DNMT3B: variants seen among roughly 807,000 people sequenced by gnomAD.
DNMT3B encodes the protein DNA (cytosine-5)-methyltransferase 3B.
In DNMT3B, 37 loss-of-function variants were observed where a neutral mutation model predicts 120.2. That is an observed-to-expected ratio of 0.31 (90% CI 0.24 to 0.40). The LOEUF (loss-of-function observed/expected upper bound fraction) is 0.40, where lower values mean the gene tolerates loss of function less well. DNMT3B is among the 10% of genes least tolerant of loss of function. The probability of loss-of-function intolerance (pLI) is 1.00; values close to 1 mark genes in which losing one functional copy is unlikely to be tolerated. For synonymous variants in DNMT3B, 412 were observed against 442.8 expected (o/e 0.93, Z 0.87); for missense variants, 878 against 1,137.3 (o/e 0.77, Z 3.28).
intron 7 of DNMT3B, 152 bp downstream of exon 7, chr20:32,789,164 C>A: frequency 1.7e-6 from 2 of 1,202,644 alleles, no homozygotes; most frequent in Admixed American, 5.1e-5. Context: ...CCTGTGTTAA[C>A]CAGCTACAGC....
rs780068965 is a variant in DNMT3B at position 32,792,679 on chromosome 20, G to A, written c.975G>A (p.Leu325=). ...KTFPSSPGDS[L]EDQLKPMLEW... The stretch of plus-strand genomic sequence containing the variant: ...TCCCCAGCAGCCCTGGAGACTCATT[G>A]GAGGACCAGCTGAAGCCCATGTTGG... The change falls in exon 9 of 23, where the codon TTG becomes TTA. Residue 325 remains leucine (L), a synonymous_variant. Coordinates refer to ENST00000328111, the MANE Select transcript of DNMT3B (RefSeq NM_006892.4). 6.2e-7 allele frequency: 1 copy of A among 1,614,236 alleles called. No individual in the cohort carries two copies. Among genetic ancestry groups the A allele is most frequent in the South Asian group, 1.1e-5 (1 of 91,084 alleles).
chr20:32,766,437 T>G (rs1987373482), intron 1 of DNMT3B, among the ~76,000 whole-genome samples: 2 of 152,082 alleles, frequency 1.3e-5, no homozygotes, highest in African/African-American at 4.8e-5. Flanking sequence ...CTTGAAAGCC[T>G]GGGTCCAACG....
intron 15 of DNMT3B, among the ~76,000 whole-genome samples, 169 bp downstream of exon 15, chr20:32,798,812 C>T (rs539397305): frequency 1.4e-3 from 215 of 152,358 alleles, no homozygotes; most frequent in African/African-American, 5.0e-3. Flanking sequence ...CGGTTTTCAG[C>T]CGTGCCAGGG....
chr20:32,782,049 T>A (rs934793641), intron 3 of DNMT3B, among the ~76,000 whole-genome samples: 9 of 152,234 alleles, frequency 5.9e-5, no homozygotes, highest in Admixed American at 3.3e-4. Context: ...AGAAATCATA[T>A]GCTGAAGTTG....
At chr20:32,770,705 C>T (rs559222914) in intron 1 of DNMT3B, among the ~76,000 whole-genome samples, 22 of 151,936 alleles carry the variant, frequency 1.4e-4, no homozygotes, top group African/African-American at 4.6e-4. Flanking sequence ...CTCCGCCTCC[C>T]GGGTTCAAGT....
chr20:32,796,787 C>T lies in DNMT3B; in HGVS notation c.1298-3C>T, dbSNP rs971027832. ...AAAAGCCACAACCCTGTTTTTCTTA[C>T]AGATGGCTGTTTGTCTTGTGGCAGG... is the stretch of plus-strand genomic sequence containing the variant. On this transcript the variant is annotated splice_polypyrimidine_tract_variant and splice_region_variant and intron_variant, in intron 12 of 22. Transcript: ENST00000328111. The T allele has an allele frequency of 1.9e-6, 3 of 1,614,242 alleles. No homozygotes were observed. Among genetic ancestry groups the T allele is most frequent in the Non-Finnish European group, 2.5e-6 (3 of 1,180,038 alleles).
intron 16 of DNMT3B, among the ~76,000 whole-genome samples, 153 bp downstream of exon 16, chr20:32,799,481 C>T (rs1174563862): frequency 6.6e-6 from 1 of 152,146 alleles, no homozygotes; most frequent in Non-Finnish European, 1.5e-5. Flanking sequence ...TTGTTTCTCT[C>T]CACCTTCTCA....
chr20:32,765,916 T>C (rs1987338554), intron 1 of DNMT3B, among the ~76,000 whole-genome samples: 1 of 151,858 alleles, frequency 6.6e-6, no homozygotes, highest in African/African-American at 2.4e-5. Flanking sequence ...CCACCATGCC[T>C]GGCTAATTTT....
At position 32,787,842 on chromosome 20, in the gene DNMT3B, C is replaced by T. The variant is rs145040291; in HGVS notation, c.654+391C>T. 4.8e-3 allele frequency among the ~76,000 whole-genome samples: 724 copies of T among 151,436 alleles called. 6 individuals carry two copies. Among genetic ancestry groups the T allele is most frequent in the African/African-American group, 0.016 (640 of 41,192 alleles). On this transcript the variant is annotated intron_variant, in intron 6 of 22. Transcript: ENST00000328111. ...TGGGCTGAGTCCAAAAGAGAGTCAG[C>T]GAAGGGAGATAGGGGTGGGGCCATT...
chr20:32,792,566 T>C (rs778384740), intron 8 of DNMT3B, 60 bp from the exon 9 acceptor site: 32 of 1,612,908 alleles, frequency 2.0e-5, no homozygotes, highest in Non-Finnish European at 2.7e-5. Flanking sequence ...AATCCCTGGG[T>C]GTGGCCTGGC....
intron 1 of DNMT3B, among the ~76,000 whole-genome samples, chr20:32,768,043 T>G (rs1396668919): frequency 6.6e-6 from 1 of 151,664 alleles, no homozygotes; most frequent in African/African-American, 2.4e-5. Context: ...CATGGCAACA[T>G]GGCTCACTCT....
At chr20:32,805,769 A>G (rs767936748) in intron 21 of DNMT3B, among the ~76,000 whole-genome samples, 2 of 151,946 alleles carry the variant, frequency 1.3e-5, no homozygotes, top group African/African-American at 4.8e-5. Flanking sequence ...CTAAATCTCA[A>G]TGTTTGCATC....
intron 1 of DNMT3B, among the ~76,000 whole-genome samples, chr20:32,769,464 G>A (rs914151097): frequency 6.6e-6 from 1 of 152,148 alleles, no homozygotes; most frequent in Non-Finnish European, 1.5e-5. Context: ...CACAAGATGC[G>A]CTGGGTTAAG....
chr20:32,764,415 T>TTAA (rs1849508458), intron 1 of DNMT3B, among the ~76,000 whole-genome samples: 1 of 152,170 alleles, frequency 6.6e-6, no homozygotes, highest in East Asian at 1.9e-4. Context: ...ATGTCTGTAC[T>TTAA]TAATAACGAA....
rs1568854293 is a variant in DNMT3B, at chr20:32,798,506, G to A, written c.1537G>A (p.Ala513Thr). The A allele has an allele frequency of 1.2e-6, 2 of 1,614,096 alleles. No individual in the cohort carries two copies. Among genetic ancestry groups the A allele is most frequent in the Non-Finnish European group, 8.5e-7 (1 of 1,180,040 alleles). The change falls in exon 15 of 23, where the codon GCG becomes ACG. Residue 513 changes from alanine to threonine, a missense_variant. Ala to Thr is a moderately conservative substitution (Grantham distance 58). This residue lies in a region of DNMT3B where 334 missense variants were observed against 518.8 expected (regional missense o/e 0.64). Transcript: ENST00000328111. ...GGAGGTGCTGGTGGGCACAGGCACA[G>A]CGGCCGAGGCCAAGCTTCAGGAGCC... ...CLEVLVGTGTAAEAKLQEPWS... is the reference protein window; with the variant it reads ...CLEVLVGTGTTAEAKLQEPWS...
chr20:32,788,465 A>G (rs967466727), intron 6 of DNMT3B, among the ~76,000 whole-genome samples: 2 of 152,074 alleles, frequency 1.3e-5, no homozygotes, highest in African/African-American at 2.4e-5. Flanking sequence ...TTCTATGTCC[A>G]TTATTACATT....
In DNMT3B at chr20:32,800,915, A is replaced by G; in HGVS notation, c.1986A>G (p.Lys662=). The G allele has an allele frequency of 1.2e-6, 2 of 1,614,218 alleles. No individual in the cohort carries two copies. Among genetic ancestry groups the G allele is most frequent in the Non-Finnish European group, 1.7e-6 (2 of 1,180,040 alleles). Residue 662 remains lysine (K), a synonymous_variant, in exon 18 of 23, where the codon AAA becomes AAG. Transcript: ENST00000328111. The stretch of plus-strand genomic sequence containing the variant: ...TCTCAAATGTGAATCCAGCCAGGAA[A>G]GGCCTGTATGGTGAGCATCCTTCTC... ...NDLSNVNPAR[K]GLYEGTGRLF...
chr20:32,792,506 T>A, intron 8 of DNMT3B, 120 bp from the exon 9 acceptor site: 1 of 1,549,682 alleles, frequency 6.5e-7, no homozygotes, highest in Non-Finnish European at 8.8e-7. Flanking sequence ...GACAGCTGTC[T>A]GGCTATGAAA....
chr20:32,764,811 G>T (rs142172425), intron 1 of DNMT3B, among the ~76,000 whole-genome samples: 2 of 152,208 alleles, frequency 1.3e-5, no homozygotes, highest in Non-Finnish European at 2.9e-5. Flanking sequence ...GCAAAGGATG[G>T]GGGGAGGGGA....
Sources: gnomAD v4.1 joint callset for allele counts (sites outside exome capture counted in the v4.1 genomes callset) on GRCh38, gnomAD v4.1.1 for gene constraint, gnomAD v4.1.1 regional missense constraint, MANE v1.5 for transcripts, NCBI Gene and HGNC (gene_info 2026-07-23, HGNC 2026-07-21) for gene names.